Variants in AP2A2 observed in about 807,000 individuals in gnomAD.
AP2A2 encodes the protein adaptor related protein complex 2 subunit alpha 2, also known as AP-2 complex subunit alpha-2.
A neutral mutation model predicts 104.2 loss-of-function variants in AP2A2; 32 were observed. That is an observed-to-expected ratio of 0.31 (90% CI 0.23 to 0.41). AP2A2 has a LOEUF of 0.41. AP2A2 is among the 10% of genes least tolerant of loss of function. The pLI is 1.00. For synonymous variants in AP2A2, 539 were observed against 533.3 expected (o/e 1.01, Z -0.15); for missense variants, 912 against 1,261.0 (o/e 0.72, Z 4.19).
rs1158922116 is a variant in AP2A2, at chr11:925,928, C to T, written c.-94C>T. On this transcript the variant is annotated 5_prime_UTR_variant, in exon 1 of 22. Transcript: ENST00000448903. ...GTTAGGCGGCTCCCCGGCGGCTCCTCCGCGGCGGTGACGGCGACCGCACTC... is the reference window on the plus strand; with the variant it reads ...GTTAGGCGGCTCCCCGGCGGCTCCTTCGCGGCGGTGACGGCGACCGCACTC... 2.0e-6 allele frequency: 2 copies of T among 1,014,522 alleles called. No homozygotes were observed. Among genetic ancestry groups the T allele is most frequent in the African/African-American group, 1.7e-5 (1 of 58,564 alleles). 62.8% of individuals were successfully genotyped at this position (1,014,522 alleles called of 1,614,324 possible). A position where few individuals can be genotyped will look rare whatever the true frequency, so the allele number is the denominator to read the frequency against.
chr11:987,822 G>A (rs537642822), intron 9 of AP2A2, among the ~76,000 whole-genome samples: 7 of 152,358 alleles, frequency 4.6e-5, no homozygotes, highest in African/African-American at 1.7e-4. Flanking sequence ...AGTGGGAGGC[G>A]GGGAGCTGCA....
At chr11:941,092 A>G (rs976267671) in intron 1 of AP2A2, among the ~76,000 whole-genome samples, 79 of 152,324 alleles carry the variant, frequency 5.2e-4, no homozygotes, top group African/African-American at 1.9e-3. Context: ...GCCTGGCTGC[A>G]GGGTCTCATG....
At chr11:1,008,338 G>A (rs1361489031) in intron 18 of AP2A2, 52 of 746,670 alleles carry the variant, frequency 7.0e-5, no homozygotes, top group East Asian at 1.6e-4. Context: ...CCTGGGCTCC[G>A]GGACGGCAGG....
chr11:976,607 G>A (rs1053404357), intron 4 of AP2A2, among the ~76,000 whole-genome samples: 4 of 152,014 alleles, frequency 2.6e-5, no homozygotes, highest in Non-Finnish European at 4.4e-5. Flanking sequence ...CCTTCCCACC[G>A]TGTCTGTAGG....
chr11:979,536 G>A (rs932317557), intron 5 of AP2A2, among the ~76,000 whole-genome samples: 8 of 152,136 alleles, frequency 5.3e-5, no homozygotes, highest in African/African-American at 1.7e-4. Flanking sequence ...CACAGGGCGA[G>A]TGGTGGGGGG....
At chr11:981,049 A>G (rs1564806815) in intron 5 of AP2A2, 149 bp from the exon 6 acceptor site, 6 of 610,800 alleles carry the variant, frequency 9.8e-6, no homozygotes, top group South Asian at 2.1e-5. Flanking sequence ...CTGGGAGAAC[A>G]TTGTAGGTTT....
At chr11:952,301 G>A (rs1214143665) in intron 1 of AP2A2, among the ~76,000 whole-genome samples, 1 of 152,150 alleles carries the variant, frequency 6.6e-6, no homozygotes. Context: ...TGTGGAACTT[G>A]GGCTGTTCCC....
At chr11:983,011 CTTTTTCTT>C (rs1033187243) in intron 6 of AP2A2, among the ~76,000 whole-genome samples, 8 of 111,354 alleles carry the variant, frequency 7.2e-5, no homozygotes, top group Non-Finnish European at 1.1e-4. Context: ...TGCATATTTT[CTTTTTCTT>C]TTTTTTTTTT....
At chr11:972,704 A>G (rs990114842) in intron 4 of AP2A2, among the ~76,000 whole-genome samples, 1 of 152,248 alleles carries the variant, frequency 6.6e-6, no homozygotes, top group African/African-American at 2.4e-5. Flanking sequence ...TCTCCAAAGC[A>G]AAAAGAGAAT....
At chr11:959,567 A>T (rs1377361747) in intron 2 of AP2A2, 62 bp downstream of exon 2, 1 of 1,113,998 alleles carries the variant, frequency 9.0e-7, no homozygotes, top group Non-Finnish European at 1.3e-6. Flanking sequence ...GTAAGAACCC[A>T]GTCTTTTAAT....
intron 2 of AP2A2, among the ~76,000 whole-genome samples, chr11:965,650 C>A (rs1027785350): frequency 2.0e-5 from 3 of 152,208 alleles, no homozygotes; most frequent in Admixed American, 6.5e-5. Flanking sequence ...GCAGGCCCGT[C>A]CAGATCTGAC....
chr11:971,370 G>C (rs758754863), intron 3 of AP2A2, among the ~76,000 whole-genome samples: 1 of 152,206 alleles, frequency 6.6e-6, no homozygotes, highest in East Asian at 1.9e-4. Flanking sequence ...GCGTGCGAGC[G>C]CAGGGCTGAA....
chr11:970,940 C>T (rs533665697), intron 3 of AP2A2, among the ~76,000 whole-genome samples: 1 of 152,306 alleles, frequency 6.6e-6, no homozygotes, highest in East Asian at 1.9e-4. Context: ...GGGCTCTGCA[C>T]GTTGAGCTGT....
At chr11:955,024 C>T (rs1274963230) in intron 1 of AP2A2, among the ~76,000 whole-genome samples, 1 of 152,192 alleles carries the variant, frequency 6.6e-6, no homozygotes, top group African/African-American at 2.4e-5. Flanking sequence ...TAGATCTGAG[C>T]TCTGTTGATT....
rs1054839821 is a variant in AP2A2, at chr11:992,012, G to A, written c.1270-491G>A. Reference sequence around the variant, plus strand: ...ACCCGTGAGAGTGAGCCAGAGAGGGGAAGAAGGGGAACCCCCAGGTGAGGC... The same window carrying A: ...ACCCGTGAGAGTGAGCCAGAGAGGGAAAGAAGGGGAACCCCCAGGTGAGGC... On this transcript the variant is annotated intron_variant, in intron 10 of 21. Transcript: ENST00000448903. This position sits in a 1 kb window ranked among gnomAD's most constrained non-coding sequence, Gnocchi z 6.4. Among the ~76,000 whole-genome samples, 3 of 152,190 alleles carry A rather than the reference G, an allele frequency of 2.0e-5. No homozygotes were observed. Among genetic ancestry groups the A allele is most frequent in the Non-Finnish European group, 4.4e-5 (3 of 68,042 alleles).
At position 926,367 on chromosome 11, in the gene AP2A2, C is replaced by A. The variant is rs1390307915; in HGVS notation, c.67+279C>A. 9.3e-5 allele frequency among the ~76,000 whole-genome samples: 13 copies of A among 139,988 alleles called. No individual in the cohort carries two copies. In the East Asian group the frequency reaches 1.7e-3, roughly 19 times the overall value. The allele number at this position is 139,988 out of a possible 152,430, so 91.8% of individuals were successfully genotyped here. A position where few individuals can be genotyped will look rare whatever the true frequency, so the allele number is the denominator to read the frequency against. ...GTGCGGGTCAGGATGCAGAGCGGGGCCCTGGGTCTGGGGGTGCGGGGTGGG... is the reference window on the plus strand; with the variant it reads ...GTGCGGGTCAGGATGCAGAGCGGGGACCTGGGTCTGGGGGTGCGGGGTGGG... On this transcript the variant is annotated intron_variant, in intron 1 of 21. Coordinates refer to ENST00000448903, the MANE Select transcript of AP2A2 (RefSeq NM_012305.4).
At position 993,298 on chromosome 11, in the gene AP2A2, C is replaced by T. The variant is rs375080990; in HGVS notation, c.1467C>T (p.Pro489=). Residue 489 remains proline (P), a synonymous_variant, in exon 12 of 22, where the codon CCC becomes CCT. Coordinates refer to ENST00000448903, the MANE Select transcript of AP2A2 (RefSeq NM_012305.4). This position sits in a 1 kb window ranked among gnomAD's most constrained non-coding sequence, Gnocchi z 8.2. ...AKTVFEALQA[P]ACHENLVKVG... ...GTGCTTCGCAGGCTCTTCAGGCTCCCGCGTGCCACGAGAACCTGGTCAAAG... is the reference window on the plus strand; with the variant it reads ...GTGCTTCGCAGGCTCTTCAGGCTCCTGCGTGCCACGAGAACCTGGTCAAAG... 507 of 1,609,992 alleles carry T rather than the reference C, an allele frequency of 3.1e-4. 1 individual carries two copies. In the Middle Eastern group the frequency reaches 6.0e-3, roughly 19 times the overall value.
rs903430816 is a variant in AP2A2, at chr11:925,991, G to A, written c.-31G>A. 2.2e-6 allele frequency: 3 copies of A among 1,386,668 alleles called. No homozygotes were observed. The highest frequency in any genetic ancestry group is 1.5e-5 in the African/African-American group (1 of 66,172). The allele number at this position is 1,386,668 out of a possible 1,614,324, so 85.9% of individuals were successfully genotyped here. A position where few individuals can be genotyped will look rare whatever the true frequency, so the allele number is the denominator to read the frequency against. The stretch of plus-strand genomic sequence containing the variant: ...TCCCCGCGCTCCTCCGCCCGGGTCC[G>A]CCAGCCGAGGCCGCTCCCGAGCGTC... On this transcript the variant is annotated 5_prime_UTR_variant, in exon 1 of 22. Transcript: ENST00000448903.
intron 4 of AP2A2, among the ~76,000 whole-genome samples, chr11:974,620 T>C (rs894890186): frequency 6.9e-6 from 1 of 144,352 alleles, no homozygotes; most frequent in Non-Finnish European, 1.5e-5. Context: ...AGGCGGAGGC[T>C]GCAGTAAGTT....
Sources: gnomAD v4.1 joint callset for allele counts (sites outside exome capture counted in the v4.1 genomes callset) on GRCh38, gnomAD v4.1.1 for gene constraint, Gnocchi (gnomAD v3.1) non-coding constraint, MANE v1.5 for transcripts, NCBI Gene and HGNC (gene_info 2026-07-23, HGNC 2026-07-21) for gene names.